Variants in INSL6 observed in about 807,000 individuals in gnomAD.
The protein encoded by INSL6 is insulin-like peptide INSL6.
INSL6 carries 16 observed loss-of-function variants against 9.4 expected under a neutral mutation model. The observed-to-expected ratio is 1.70, with a 90% CI of 1.15 to 2.59. The LOEUF (loss-of-function observed/expected upper bound fraction) is 2.59. Among genes scored for constraint, INSL6 ranks in the 30% most tolerant of loss-of-function variants. The probability of loss-of-function intolerance (pLI) is 0.00; values close to 1 mark genes in which losing one functional copy is unlikely to be tolerated. For synonymous variants in INSL6, 154 were observed against 96.9 expected, an observed-to-expected ratio of 1.59 and a Z score of -3.46; for missense variants, 391 against 257.3, an observed-to-expected ratio of 1.52 and a Z score of -3.56.
chr9:5,041,343 C>T, the INSL6 span: 1 of 657,242 alleles, frequency 1.5e-6, no homozygotes, highest in African/African-American at 1.8e-5. Context: ...TTGACAGGTA[C>T]GGCGTGCTAC....
At chr9:5,090,611 G>A in the INSL6 span, 36 of 1,547,770 alleles carry the variant, frequency 2.3e-5, no homozygotes, top group Middle Eastern at 1.7e-4. Flanking sequence ...TGAAGCAACC[G>A]TGTTGAAGTA....
chr9:5,086,532 G>C, the INSL6 span, among the ~76,000 whole-genome samples: 2 of 151,690 alleles, frequency 1.3e-5, no homozygotes, highest in Non-Finnish European at 2.9e-5. Context: ...AATACTTTTA[G>C]TACTCATTGT....
At chr9:5,125,111 A>C (rs1823888550) in intron 3 of INSL6, among the ~76,000 whole-genome samples, 1 of 151,360 alleles carries the variant, frequency 6.6e-6, no homozygotes, top group Non-Finnish European at 1.5e-5. Context: ...AAAGTATGAA[A>C]AAATAAAAAT....
the INSL6 span, among the ~76,000 whole-genome samples, chr9:4,992,180 G>T: frequency 3.9e-5 from 6 of 152,186 alleles, no homozygotes; most frequent in Non-Finnish European, 8.8e-5. Context: ...GGTAGTTGAT[G>T]CTGGCTCTTG....
At chr9:5,076,506 T>C in the INSL6 span, among the ~76,000 whole-genome samples, 1 of 152,162 alleles carries the variant, frequency 6.6e-6, no homozygotes, top group African/African-American at 2.4e-5. Flanking sequence ...CAATAAAGTA[T>C]TTTTAAAAAG....
chr9:5,115,090 G>C, the INSL6 span, among the ~76,000 whole-genome samples: 1 of 152,124 alleles, frequency 6.6e-6, no homozygotes, highest in Non-Finnish European at 1.5e-5. Flanking sequence ...AAACTAAACA[G>C]CTGCATAGCA....
chr9:5,081,725 A>G, the INSL6 span: 1 of 1,586,370 alleles, frequency 6.3e-7, no homozygotes, highest in Non-Finnish European at 8.7e-7. Context: ...ATTTCTCCAG[A>G]TTATGAACTA....
At chr9:5,112,769 G>C in the INSL6 span, 2 of 601,278 alleles carry the variant, frequency 3.3e-6, no homozygotes, top group Non-Finnish European at 5.2e-6. Flanking sequence ...GGTGTCGCGC[G>C]TGTTCGGAGG....
At chr9:5,047,484 T>C in the INSL6 span, among the ~76,000 whole-genome samples, 2 of 152,368 alleles carry the variant, frequency 1.3e-5, no homozygotes, top group Non-Finnish European at 2.9e-5. Flanking sequence ...TGAACAACTT[T>C]TAATTAATTC....
At chr9:5,065,043 G>A in the INSL6 span, 1 of 1,545,286 alleles carries the variant, frequency 6.5e-7, no homozygotes, top group Non-Finnish European at 8.7e-7. Context: ...CCAATTTCGT[G>A]AGTAATACAG....
chr9:5,034,835 C>G, the INSL6 span, among the ~76,000 whole-genome samples: 20 of 151,868 alleles, frequency 1.3e-4, no homozygotes, highest in African/African-American at 2.7e-4. Context: ...AACTAGAAAA[C>G]CAAGAGCAAA....
At chr9:5,157,365 T>G (rs1392148792) in intron 2 of INSL6, among the ~76,000 whole-genome samples, 1 of 152,134 alleles carries the variant, frequency 6.6e-6, no homozygotes, top group African/African-American at 2.4e-5. Context: ...ACATCTATAG[T>G]AATCAAGAAA....
chr9:4,998,457 A>G, the INSL6 span, among the ~76,000 whole-genome samples: 5 of 151,974 alleles, frequency 3.3e-5, no homozygotes, highest in Admixed American at 2.6e-4. Flanking sequence ...GGGTTTCACC[A>G]TGTTGGTCAG....
At chr9:5,069,647 A>T in the INSL6 span, among the ~76,000 whole-genome samples, 1 of 152,164 alleles carries the variant, frequency 6.6e-6, no homozygotes, top group Non-Finnish European at 1.5e-5. Context: ...GGAAGTTACT[A>T]TAATTTTGAA....
Position 5,172,770 on chromosome 9 carries a change from G to C in INSL6, c.290-8505C>G, listed in dbSNP as rs569336446. ...TAGTGAAACCCTGCCTCTTCTAAAA[G>C]TACAAAAATTAGCTGGGCGTGGTGG... On this transcript the variant is annotated intron_variant, in intron 1 of 1. Transcript: ENST00000381641. Among the ~76,000 whole-genome samples the C allele has an allele frequency of 1.1e-4, 17 of 152,022 alleles. 1 individual carries two copies. In the South Asian group the frequency reaches 3.5e-3, roughly 32 times the overall value.
chr9:5,184,298 A>C (rs2130925419), intron 1 of INSL6, among the ~76,000 whole-genome samples: 1 of 152,348 alleles, frequency 6.6e-6, no homozygotes, highest in East Asian at 1.9e-4. Context: ...TCCAAATCAA[A>C]TCAACTGAAT....
At chr9:5,177,720 T>C (rs959111788) in intron 1 of INSL6, among the ~76,000 whole-genome samples, 1 of 152,114 alleles carries the variant, frequency 6.6e-6, no homozygotes, top group Non-Finnish European at 1.5e-5. Context: ...CGGGACAGAG[T>C]TCCTGGGAGG....
intron 1 of INSL6, among the ~76,000 whole-genome samples, chr9:5,182,181 G>T (rs1034743529): frequency 2.0e-5 from 3 of 152,026 alleles, no homozygotes; most frequent in Non-Finnish European, 2.9e-5. Flanking sequence ...GTTCAAAACT[G>T]AATAAATCAG....
chr9:5,090,111 GT>G, the INSL6 span, among the ~76,000 whole-genome samples: 1 of 152,020 alleles, frequency 6.6e-6, no homozygotes, highest in Non-Finnish European at 1.5e-5. Context: ...TAAAGGAATT[GT>G]TTTTGTTTAC....
Sources: allele counts gnomAD v4.1 joint callset (sites outside exome capture counted in the v4.1 genomes callset), GRCh38; gene constraint gnomAD v4.1.1; transcripts MANE v1.5; gene names NCBI Gene and HGNC (gene_info 2026-07-23, HGNC 2026-07-21).